Variants in MACROD2 observed in about 807,000 individuals in gnomAD.
The protein encoded by MACROD2 is mono-ADP ribosylhydrolase 2.
In MACROD2, 36 loss-of-function variants were observed where a neutral mutation model predicts 70.4. The ratio of observed to expected loss-of-function variants is 0.51; its 90% CI spans 0.39 to 0.68. MACROD2 has a LOEUF of 0.68. MACROD2 is among the 30% of genes least tolerant of loss of function. MACROD2 has a pLI of 0.00. For missense variants in MACROD2, 496 were observed against 538.4 expected, an observed-to-expected ratio of 0.92 and a Z score of 0.78; for synonymous variants, 172 against 178.8, an observed-to-expected ratio of 0.96 and a Z score of 0.30.
intron 6 of MACROD2, among the ~76,000 whole-genome samples, chr20:15,309,911 C>A (rs2077734485): frequency 1.3e-5 from 2 of 152,110 alleles, no homozygotes; most frequent in African/African-American, 4.8e-5. Flanking sequence ...ATAGTGTATT[C>A]AGACAAAGGT....
At chr20:15,853,459 G>C (rs1267699954) in intron 8 of MACROD2, among the ~76,000 whole-genome samples, 2 of 152,140 alleles carry the variant, frequency 1.3e-5, no homozygotes, top group Non-Finnish European at 2.9e-5. Context: ...AGATTATCTA[G>C]GTGGGCCTAA....
At chr20:14,281,419 T>C (rs1053211274) in intron 3 of MACROD2, among the ~76,000 whole-genome samples, 2 of 152,140 alleles carry the variant, frequency 1.3e-5, no homozygotes, top group Non-Finnish European at 2.9e-5. Context: ...GTGGGGATAG[T>C]GGAGAATGGG....
chr20:14,040,401 C>G (rs986671999), intron 2 of MACROD2, among the ~76,000 whole-genome samples: 3 of 152,092 alleles, frequency 2.0e-5, no homozygotes, highest in African/African-American at 7.2e-5. Flanking sequence ...TTAGCTTAAT[C>G]TGTTCTTTTA....
intron 5 of MACROD2, among the ~76,000 whole-genome samples, chr20:15,225,048 T>G (rs1436664502): frequency 6.6e-6 from 1 of 151,952 alleles, no homozygotes; most frequent in African/African-American, 2.4e-5. Context: ...CATATTAAAA[T>G]TATAGTAAAA....
At chr20:15,039,661 C>T (rs2123022716) in intron 5 of MACROD2, among the ~76,000 whole-genome samples, 1 of 151,146 alleles carries the variant, frequency 6.6e-6, no homozygotes, top group African/African-American at 2.4e-5. Context: ...GACAACTAAA[C>T]AGAAAGCGAC....
At chr20:15,499,974 C>T in intron 8 of MACROD2, 127 bp downstream of exon 8, 2 of 791,428 alleles carry the variant, frequency 2.5e-6, no homozygotes, top group South Asian at 1.7e-5. Context: ...CCTAGCTGAC[C>T]ATTCTTCACT....
At chr20:14,695,170 A>C (rs1374108904) in intron 5 of MACROD2, among the ~76,000 whole-genome samples, 1 of 152,102 alleles carries the variant, frequency 6.6e-6, no homozygotes, top group African/African-American at 2.4e-5. Flanking sequence ...AGAGAGCCAA[A>C]ATCAAGGTGT....
At chr20:15,038,693 G>A (rs1330332019) in intron 5 of MACROD2, among the ~76,000 whole-genome samples, 1 of 152,124 alleles carries the variant, frequency 6.6e-6, no homozygotes, top group Admixed American at 6.5e-5. Flanking sequence ...TGCTCATGAG[G>A]ACGAGGTCAG....
At chr20:14,688,822 C>G (rs977826141) in intron 5 of MACROD2, among the ~76,000 whole-genome samples, 2 of 152,078 alleles carry the variant, frequency 1.3e-5, no homozygotes, top group Admixed American at 6.5e-5. Flanking sequence ...CATAGTGTCT[C>G]CTAAATATGT....
At chr20:14,947,356 G>C (rs775301373) in intron 5 of MACROD2, among the ~76,000 whole-genome samples, 1 of 152,196 alleles carries the variant, frequency 6.6e-6, no homozygotes, top group Non-Finnish European at 1.5e-5. Context: ...TCCGGCATTG[G>C]CCACAGGCCC....
chr20:15,005,954 G>C (rs1484608987), intron 5 of MACROD2, among the ~76,000 whole-genome samples: 1 of 152,056 alleles, frequency 6.6e-6, no homozygotes, highest in Non-Finnish European at 1.5e-5. Flanking sequence ...ATCATATAAT[G>C]ATATAAACTT....
intron 3 of MACROD2, among the ~76,000 whole-genome samples, chr20:14,457,043 T>A (rs2084311754): frequency 6.6e-6 from 1 of 152,032 alleles, no homozygotes; most frequent in Non-Finnish European, 1.5e-5. Context: ...ACTTTTACTA[T>A]CCTTCTTCAA....
intron 3 of MACROD2, among the ~76,000 whole-genome samples, chr20:14,174,331 C>A (rs369057672): frequency 1.3e-5 from 2 of 152,004 alleles, no homozygotes; most frequent in African/African-American, 4.8e-5. Flanking sequence ...TCTTCTTGGG[C>A]GGGTCTTGCT....
chr20:14,849,205 G>C (rs2073173327), intron 5 of MACROD2, among the ~76,000 whole-genome samples: 1 of 152,158 alleles, frequency 6.6e-6, no homozygotes, highest in Non-Finnish European at 1.5e-5. Context: ...GAAAACATGG[G>C]CATCTTTAAA....
chr20:14,917,579 A>G (rs1054834224), intron 5 of MACROD2, among the ~76,000 whole-genome samples: 1 of 152,126 alleles, frequency 6.6e-6, no homozygotes, highest in African/African-American at 2.4e-5. Context: ...AGACCAACAC[A>G]TAGAATGGGC....
intron 4 of MACROD2, among the ~76,000 whole-genome samples, chr20:14,581,600 A>G (rs1981023418): frequency 6.6e-6 from 1 of 152,196 alleles, no homozygotes; most frequent in African/African-American, 2.4e-5. Flanking sequence ...CTTTTACATT[A>G]TTTAAATATA....
At chr20:14,093,624 T>A (rs1267751198) in intron 3 of MACROD2, among the ~76,000 whole-genome samples, 2 of 151,810 alleles carry the variant, frequency 1.3e-5, no homozygotes, top group African/African-American at 4.8e-5. Context: ...ACAAACAGAT[T>A]TTCAAATGCT....
intron 5 of MACROD2, among the ~76,000 whole-genome samples, chr20:14,882,967 G>C (rs191429355): frequency 2.0e-5 from 3 of 152,230 alleles, no homozygotes; most frequent in Admixed American, 6.5e-5. Context: ...GGTGAGAATG[G>C]CCACATTTTT....
intron 5 of MACROD2, among the ~76,000 whole-genome samples, chr20:14,714,506 A>G (rs1192996349): frequency 6.6e-6 from 1 of 152,078 alleles, no homozygotes; most frequent in Non-Finnish European, 1.5e-5. Context: ...TTTTTCCTCC[A>G]TGTCCTATCC....
Sources: gnomAD v4.1 joint callset for allele counts (sites outside exome capture counted in the v4.1 genomes callset) on GRCh38, gnomAD v4.1.1 for gene constraint, MANE v1.5 for transcripts, NCBI Gene and HGNC (gene_info 2026-07-23, HGNC 2026-07-21) for gene names.